The following HOOK1 variants were observed in gnomAD, a reference collection of about 807,000 sequenced individuals.
The protein encoded by HOOK1 is hook microtubule tethering protein 1, also known as protein Hook homolog 1.
A neutral mutation model predicts 112.8 loss-of-function variants in HOOK1; 60 were observed. That is an observed-to-expected ratio of 0.53 (90% confidence interval 0.43 to 0.66). HOOK1 has a LOEUF of 0.66. Ranked by LOEUF, HOOK1 falls within the 30% of genes least tolerant of loss-of-function variation. HOOK1 has a pLI of 0.00. For synonymous variants in HOOK1, 294 were observed against 283.8 expected, an observed-to-expected ratio of 1.04 and a Z score of -0.36; for missense variants, 770 against 856.0, an observed-to-expected ratio of 0.90 and a Z score of 1.25.
At chr1:59,868,108 A>G (rs1643998196) in intron 19 of HOOK1, 142 bp from the exon 20 acceptor site, 1 of 573,586 alleles carries the variant, frequency 1.7e-6, no homozygotes, top group East Asian at 3.0e-5. Context: ...CCCAATTAGG[A>G]TTGTAAAACA....
chr1:59,863,282 G>A (rs940375136), intron 16 of HOOK1, among the ~76,000 whole-genome samples: 2 of 152,096 alleles, frequency 1.3e-5, no homozygotes, highest in African/African-American at 4.8e-5. Flanking sequence ...TCAGAATTGA[G>A]GAAACCTTCT....
intron 8 of HOOK1, among the ~76,000 whole-genome samples, chr1:59,841,129 G>A (rs1161502783): frequency 6.6e-6 from 1 of 152,156 alleles, no homozygotes; most frequent in African/African-American, 2.4e-5. Flanking sequence ...TGGCACAGAA[G>A]TGCTGTGTTT....
chr1:59,868,307 A>C lies in HOOK1; in HGVS notation c.1903A>C (p.Arg635=). ...AGCATCAGCTGAAATAATGCTACTA[A>C]GAAAGCAGTTGGCAGAGAAAGAGAG... is the stretch of plus-strand genomic sequence containing the variant. ...NPASAEIMLL[R]KQLAEKERRI... The change falls in exon 20 of 22, where the codon AGA becomes CGA. Residue 635 remains arginine, a synonymous_variant. Coordinates refer to ENST00000371208, the MANE Select transcript of HOOK1 (RefSeq NM_015888.6). The C allele has an allele frequency of 1.2e-6, 2 of 1,611,738 alleles. No homozygotes were observed. The highest frequency in any genetic ancestry group is 1.7e-6 in the Non-Finnish European group (2 of 1,178,436).
chr1:59,846,642 C>T (rs1176785240), intron 9 of HOOK1, among the ~76,000 whole-genome samples: 3 of 137,894 alleles, frequency 2.2e-5, no homozygotes, highest in Non-Finnish European at 4.7e-5. Flanking sequence ...TTCTTTCTAA[C>T]ATAGACCTTT....
At chr1:59,833,321 A>G (rs1225078060) in intron 4 of HOOK1, 84 bp from the exon 5 acceptor site, 2 of 986,446 alleles carry the variant, frequency 2.0e-6, no homozygotes, top group African/African-American at 3.3e-5. Context: ...GTGAATTTAT[A>G]ATTTATTTTC....
At chr1:59,864,782 A>G in intron 17 of HOOK1, 116 bp downstream of exon 17, 1 of 688,662 alleles carries the variant, frequency 1.5e-6, no homozygotes, top group Non-Finnish European at 2.5e-6. Flanking sequence ...ATGCTAATTG[A>G]TACACCTGCT....
At position 59,873,293 on chromosome 1, in the gene HOOK1, CTTAA is replaced by C. The variant is rs1223548897; in HGVS notation, c.*335_*338del. 3.4e-5 allele frequency: 6 copies of C among 175,584 alleles called. No individual in the cohort carries two copies. The highest frequency in any genetic ancestry group is 1.5e-4 in the East Asian group (1 of 6,864). The allele number at this position is 175,584 out of a possible 1,614,324, so 10.9% of individuals were successfully genotyped here. ...TAAATGTTTTCAGTTGTATTAGTAA[CTTAA>C]TTAATTTTCAATAGCTATTCAGTAA... is the stretch of plus-strand genomic sequence containing the variant. On this transcript the variant is annotated 3_prime_UTR_variant, in exon 22 of 22. Coordinates refer to ENST00000371208, the MANE Select transcript of HOOK1 (RefSeq NM_015888.6).
intron 18 of HOOK1, 114 bp from the exon 19 acceptor site, chr1:59,865,758 G>A (rs1643952684): frequency 2.4e-6 from 1 of 421,150 alleles, no homozygotes; most frequent in African/African-American, 2.1e-5. Context: ...TTTCTTTTAA[G>A]TTATCGTCTT....
intron 12 of HOOK1, among the ~76,000 whole-genome samples, chr1:59,855,836 A>G (rs2098410160): frequency 6.7e-6 from 1 of 149,064 alleles, no homozygotes; most frequent in Non-Finnish European, 1.5e-5. Context: ...GCAGTGGCGC[A>G]GTCATGGCTC....
chr1:59,870,858 A>T, intron 20 of HOOK1, 184 bp from the exon 21 acceptor site: 1 of 510,296 alleles, frequency 2.0e-6, no homozygotes, highest in Non-Finnish European at 3.5e-6. Flanking sequence ...CACAAACCTT[A>T]TTCTTTCCTA....
chr1:59,858,799 G>A (rs1447631486), intron 13 of HOOK1, among the ~76,000 whole-genome samples, 186 bp from the exon 14 acceptor site: 2 of 133,000 alleles, frequency 1.5e-5, no homozygotes, highest in Admixed American at 8.0e-5. Context: ...GGGAGGGAGG[G>A]AAAGGAAGGA....
intron 7 of HOOK1, among the ~76,000 whole-genome samples, chr1:59,838,429 G>A (rs975573792): frequency 6.6e-5 from 10 of 151,952 alleles, no homozygotes; most frequent in Admixed American, 3.3e-4. Context: ...TTTGATTTGC[G>A]TTTCTCTAAT....
intron 1 of HOOK1, among the ~76,000 whole-genome samples, chr1:59,821,390 CTGTCT>C (rs2098385507): frequency 6.6e-6 from 1 of 152,156 alleles, no homozygotes; most frequent in African/African-American, 2.4e-5. Flanking sequence ...AACAGAAGTC[CTGTCT>C]TATTTCAGAG....
rs1644124421 is a variant in HOOK1, at chr1:59,876,150, A to G, written c.*3185A>G. ...TGGAAATTTGTAAAGCACAAACCAT[A>G]AAAGAGTGTGGAGTTATTAAATGAT... On this transcript the variant is annotated 3_prime_UTR_variant, in exon 22 of 22. Coordinates refer to ENST00000371208, the MANE Select transcript of HOOK1 (RefSeq NM_015888.6). 1 of 152,672 alleles carries G rather than the reference A, an allele frequency of 6.5e-6. No individual in the cohort carries two copies. The highest frequency in any genetic ancestry group is 6.5e-5 in the Admixed American group (1 of 15,290). 9.5% of individuals were successfully genotyped at this position (152,672 alleles called of 1,614,324 possible).
At position 59,875,897 on chromosome 1, in the gene HOOK1, T is replaced by A. The variant is rs894116848; in HGVS notation, c.*2932T>A. The A allele has an allele frequency of 6.6e-6, 1 of 152,522 alleles. No individual in the cohort carries two copies. Among genetic ancestry groups the A allele is most frequent in the African/African-American group, 2.4e-5 (1 of 41,478 alleles). 9.4% of individuals were successfully genotyped at this position (152,522 alleles called of 1,614,324 possible). A position where few individuals can be genotyped will look rare whatever the true frequency, so the allele number is the denominator to read the frequency against. On this transcript the variant is annotated 3_prime_UTR_variant, in exon 22 of 22. Coordinates refer to ENST00000371208, the MANE Select transcript of HOOK1 (RefSeq NM_015888.6). The stretch of plus-strand genomic sequence containing the variant: ...TTCCTCATTATGTCATCATTTCTGA[T>A]AATTAGAGTGCTAATTTGAATGTTA...
rs753548235 is a variant in HOOK1 at position 59,836,883 on chromosome 1, A to C, written c.485A>C (p.Lys162Thr). 6 of 1,576,598 alleles carry C rather than the reference A, an allele frequency of 3.8e-6. No homozygotes were observed. The highest frequency in any genetic ancestry group is 5.2e-6 in the Non-Finnish European group (6 of 1,150,340). Residue 162 changes from lysine to threonine, a missense_variant, in exon 7 of 22, where the codon AAA (lysine) becomes ACA (threonine). Lys to Thr is a moderately conservative substitution (Grantham distance 78). Around this residue, in one of 3 missense-constraint regions of HOOK1, gnomAD observed 655 missense variants for 725.9 expected, o/e 0.90. Coordinates refer to ENST00000371208, the MANE Select transcript of HOOK1 (RefSeq NM_015888.6). ...ATTTTAATTTCCTAGTTGATGAGTA[A>C]AGAAATATTGAGCTCTCCTCCAAAT... is the stretch of plus-strand genomic sequence containing the variant. ...VMTAIQELMS[K>T]EILSSPPNDA...
chr1:59,865,374 T>A (rs187148432), intron 18 of HOOK1, 129 bp downstream of exon 18: 43 of 510,954 alleles, frequency 8.4e-5, no homozygotes, highest in Non-Finnish European at 1.4e-4. Flanking sequence ...AAATAAGGAC[T>A]ATGATAATTT....
intron 6 of HOOK1, among the ~76,000 whole-genome samples, 189 bp from the exon 7 acceptor site, chr1:59,836,684 A>G (rs1480928668): frequency 2.0e-5 from 3 of 152,168 alleles, no homozygotes; most frequent in Non-Finnish European, 2.9e-5. Context: ...TGTCCTCACT[A>G]ATATGCTTGA....
Position 59,858,321 on chromosome 1 carries a change from T to C in HOOK1, c.1243-107T>C, listed in dbSNP as rs531301940. ...TTCTTAAAACTAAAACATTGTCACT[T>C]AAAATTAAGCAACAATTATTAAACT... On this transcript the variant is annotated intron_variant, in intron 12 of 21. Coordinates refer to ENST00000371208, the MANE Select transcript of HOOK1 (RefSeq NM_015888.6). The C allele has an allele frequency of 1.8e-4, 136 of 757,622 alleles. No individual in the cohort carries two copies. In the African/African-American group the frequency reaches 2.2e-3, roughly 12 times the overall value. 46.9% of individuals were successfully genotyped at this position (757,622 alleles called of 1,614,324 possible). A position where few individuals can be genotyped will look rare whatever the true frequency, so the allele number is the denominator to read the frequency against.
Sources: allele counts gnomAD v4.1 joint callset (sites outside exome capture counted in the v4.1 genomes callset), GRCh38; gene constraint gnomAD v4.1.1; regional missense constraint gnomAD v4.1.1; transcripts MANE v1.5; gene names NCBI Gene and HGNC (gene_info 2026-07-23, HGNC 2026-07-21).